The following NR5A2 variants were observed in gnomAD, a reference collection of about 807,000 sequenced individuals.
The protein encoded by NR5A2 is nuclear receptor subfamily 5 group A member 2, also known as CYP7A promoter-binding factor.
A neutral mutation model predicts 62.7 loss-of-function variants in NR5A2; 26 were observed. That is an observed-to-expected ratio of 0.41 (90% CI 0.30 to 0.58). The LOEUF (loss-of-function observed/expected upper bound fraction) is 0.58, where lower values mean the gene tolerates loss of function less well. Among genes scored for constraint, NR5A2 ranks in the 20% least tolerant of loss-of-function variants. The pLI, the probability that NR5A2 is intolerant of heterozygous loss-of-function variation, is 0.22. For missense variants in NR5A2, 541 were observed against 669.1 expected, an observed-to-expected ratio of 0.81 and a Z score of 2.11; for synonymous variants, 246 against 241.7, an observed-to-expected ratio of 1.02 and a Z score of -0.16.
At position 200,127,072 on chromosome 1, in the gene NR5A2, G is replaced by A. The variant is rs186127632; in HGVS notation, c.1378+6117G>A. Reference sequence around the variant, plus strand: ...TCTCTTACAGAATGAAGAGACCTAAGAGAACATTCTCCTCCAGTTTTGTAA... The same window carrying A: ...TCTCTTACAGAATGAAGAGACCTAAAAGAACATTCTCCTCCAGTTTTGTAA... On this transcript the variant is annotated intron_variant, in intron 7 of 7. Coordinates refer to ENST00000367362, the MANE Select transcript of NR5A2 (RefSeq NM_205860.3). 3.1e-4 allele frequency among the ~76,000 whole-genome samples: 46 copies of A among 149,780 alleles called. 1 individual carries two copies. In the East Asian group the frequency reaches 9.1e-3, roughly 30 times the overall value.
chr1:200,107,618 A>G (rs770565543), intron 5 of NR5A2, among the ~76,000 whole-genome samples: 8 of 152,202 alleles, frequency 5.3e-5, no homozygotes, highest in Non-Finnish European at 1.2e-4. Flanking sequence ...CCTAAAAGAA[A>G]AGAAATCTAG....
At chr1:200,060,228 C>T (rs1002425262) in intron 5 of NR5A2, among the ~76,000 whole-genome samples, 27 of 152,138 alleles carry the variant, frequency 1.8e-4, no homozygotes, top group African/African-American at 5.6e-4. Context: ...TCAGGAAGCA[C>T]GCTTAGGCAT....
chr1:200,166,150 A>G (rs1431258232), intron 7 of NR5A2, among the ~76,000 whole-genome samples: 7 of 152,212 alleles, frequency 4.6e-5, no homozygotes, highest in African/African-American at 1.4e-4. Context: ...CCCTTTGAAC[A>G]TTGGTATTGT....
chr1:200,088,460 T>C (rs1032951013), intron 5 of NR5A2, among the ~76,000 whole-genome samples: 10 of 152,052 alleles, frequency 6.6e-5, no homozygotes, highest in Admixed American at 2.0e-4. Context: ...TTTCTCCATG[T>C]TGCTCAGGCT....
intron 5 of NR5A2, among the ~76,000 whole-genome samples, chr1:200,062,183 G>A (rs1663252496): frequency 6.6e-6 from 1 of 150,472 alleles, no homozygotes; most frequent in African/African-American, 2.4e-5. Context: ...ACAATTATCT[G>A]CATGCACAAG....
At chr1:200,156,354 A>G (rs1305559278) in intron 7 of NR5A2, among the ~76,000 whole-genome samples, 1 of 152,198 alleles carries the variant, frequency 6.6e-6, no homozygotes, top group African/African-American at 2.4e-5. Context: ...CGATGCTGCA[A>G]AGCAATCCAC....
chr1:200,167,340 G>C (rs541010622), intron 7 of NR5A2, among the ~76,000 whole-genome samples: 1 of 152,088 alleles, frequency 6.6e-6, no homozygotes, highest in South Asian at 2.1e-4. Flanking sequence ...AGCCATCCAG[G>C]ACCCTCACTC....
At chr1:200,113,908 C>T (rs1666081764) in intron 6 of NR5A2, among the ~76,000 whole-genome samples, 1 of 152,190 alleles carries the variant, frequency 6.6e-6, no homozygotes, top group Non-Finnish European at 1.5e-5. Context: ...AGGCCGGGCA[C>T]AGTGGCTCAC....
At chr1:200,083,292 ATTCAT>A (rs1664374813) in intron 5 of NR5A2, among the ~76,000 whole-genome samples, 2 of 152,224 alleles carry the variant, frequency 1.3e-5, no homozygotes, top group African/African-American at 4.8e-5. Flanking sequence ...ATTCAAATCA[ATTCAT>A]TTCATCCTAA....
At chr1:200,157,867 G>A (rs1653458843) in intron 7 of NR5A2, among the ~76,000 whole-genome samples, 1 of 152,102 alleles carries the variant, frequency 6.6e-6, no homozygotes, top group Non-Finnish European at 1.5e-5. Context: ...ATCTTACTGA[G>A]CAGAATTTTA....
chr1:200,048,152 C>T lies in NR5A2; in HGVS notation c.464-20C>T, dbSNP rs779025385. The stretch of plus-strand genomic sequence containing the variant: ...CTTATTTATACCTTTCCTTCCTTCC[C>T]CCCACCCCACCCCCAACAGCTGTAA... On this transcript the variant is annotated intron_variant, in intron 4 of 7. Coordinates refer to ENST00000367362, the MANE Select transcript of NR5A2 (RefSeq NM_205860.3). This position sits in a 1 kb window ranked among gnomAD's most constrained non-coding sequence, Gnocchi z 4.8. The T allele has an allele frequency of 1.9e-6, 3 of 1,570,296 alleles. No individual in the cohort carries two copies. Among genetic ancestry groups the T allele is most frequent in the South Asian group, 2.4e-5 (2 of 85,034 alleles).
chr1:200,163,918 C>A (rs985020035), intron 7 of NR5A2, among the ~76,000 whole-genome samples: 1 of 152,080 alleles, frequency 6.6e-6, no homozygotes, highest in Non-Finnish European at 1.5e-5. Context: ...AATCTCATGT[C>A]GAACTGTAAT....
At chr1:200,132,182 G>A (rs1434637967) in intron 7 of NR5A2, among the ~76,000 whole-genome samples, 1 of 152,120 alleles carries the variant, frequency 6.6e-6, no homozygotes, top group African/African-American at 2.4e-5. Context: ...GCTAATTTTT[G>A]TATTTTTAGT....
At chr1:200,094,820 C>T (rs1250030685) in intron 5 of NR5A2, among the ~76,000 whole-genome samples, 2 of 152,042 alleles carry the variant, frequency 1.3e-5, no homozygotes, top group Non-Finnish European at 2.9e-5. Context: ...GCGTGAGCCA[C>T]CGCGCCTGGC....
intron 2 of NR5A2, 80 bp from the exon 3 acceptor site, chr1:200,043,694 C>T (rs1662225958): frequency 6.9e-6 from 6 of 867,774 alleles, no homozygotes; most frequent in Non-Finnish European, 1.1e-5. Context: ...CCAGCAATCA[C>T]CAAAATGCTT....
chr1:200,049,848 T>A (rs1662544186), intron 5 of NR5A2, among the ~76,000 whole-genome samples: 1 of 152,300 alleles, frequency 6.6e-6, no homozygotes, highest in South Asian at 2.1e-4. Context: ...CTGTTAAAAA[T>A]CGTCTGTGTA....
At chr1:200,091,046 C>T (rs1223739242) in intron 5 of NR5A2, among the ~76,000 whole-genome samples, 1 of 152,188 alleles carries the variant, frequency 6.6e-6, no homozygotes, top group Non-Finnish European at 1.5e-5. Flanking sequence ...TCCCCAGCAG[C>T]TATGGTCTTT....
rs779378493 is a variant in NR5A2 at position 200,048,287 on chromosome 1, A to G, written c.579A>G (p.Leu193=). 27 of 1,614,036 alleles carry G rather than the reference A, an allele frequency of 1.7e-5. No homozygotes were observed. Among genetic ancestry groups the G allele is most frequent in the Middle Eastern group, 3.3e-4 (2 of 6,084 alleles). The stretch of plus-strand genomic sequence containing the variant: ...TCATCCGAGCCAATGGACTTAAGCT[A>G]GAAGCCATGTCTCAGGTGATCCAAG... ...KALIRANGLK[L]EAMSQVIQAM... is the part of the protein sequence containing the mutation. Residue 193 remains leucine (L), a synonymous_variant, in exon 5 of 8, where the codon CTA becomes CTG. Coordinates refer to ENST00000367362, the MANE Select transcript of NR5A2 (RefSeq NM_205860.3). The surrounding 1 kb of genome is among the most constrained non-coding windows in gnomAD (Gnocchi z 4.8).
In NR5A2 at chr1:200,027,875, T is replaced by A. The variant is rs61755053; in HGVS notation, c.28T>A (p.Leu10Ile). 3,370 of 1,606,334 alleles carry A rather than the reference T, an allele frequency of 2.1e-3. 41 individuals carry two copies. The African/African-American group carries it at 0.027, about 13-fold the overall frequency. Residue 10 changes from leucine to isoleucine, a missense_variant, in exon 1 of 8, where the codon TTA (leucine) becomes ATA (isoleucine). By Grantham distance (5) the Leu-to-Ile change is conservative. Around this residue, in one of 3 missense-constraint regions of NR5A2, gnomAD observed 108 missense variants for 103.3 expected, o/e 1.05. Coordinates refer to ENST00000367362, the MANE Select transcript of NR5A2 (RefSeq NM_205860.3). Reference sequence around the variant, plus strand: ...GTCTTCTAATTCAGATACTGGGGATTTACAAGAGTCTTTAAAGCACGGACT... The same window carrying A: ...GTCTTCTAATTCAGATACTGGGGATATACAAGAGTCTTTAAAGCACGGACT... Reference protein sequence around the residue: MSSNSDTGDLQESLKHGLTP... With the variant: MSSNSDTGDIQESLKHGLTP...
Sources: gnomAD v4.1 joint callset for allele counts (sites outside exome capture counted in the v4.1 genomes callset) on GRCh38, gnomAD v4.1.1 for gene constraint, gnomAD v4.1.1 regional missense constraint, Gnocchi (gnomAD v3.1) non-coding constraint, MANE v1.5 for transcripts, NCBI Gene and HGNC (gene_info 2026-07-23, HGNC 2026-07-21) for gene names.